Variants in ZNF735 observed in about 807,000 individuals in gnomAD.
The protein encoded by ZNF735 is putative zinc finger protein 735.
Under a neutral mutation model 13.4 loss-of-function variants are expected in ZNF735, and 11 were observed. The observed-to-expected ratio is 0.82, with a 90% CI of 0.52 to 1.36. The LOEUF is 1.36. Ranked by LOEUF, ZNF735 falls within the 40% of genes most tolerant of loss-of-function variation. The probability of loss-of-function intolerance (pLI) is 0.00; values close to 1 mark genes in which losing one functional copy is unlikely to be tolerated. For missense variants in ZNF735, 500 were observed against 484.6 expected, an observed-to-expected ratio of 1.03 and a Z score of -0.30; for synonymous variants, 171 against 162.6, an observed-to-expected ratio of 1.05 and a Z score of -0.39.
intron 3 of ZNF735, 113 bp downstream of exon 3, chr7:64,214,221 G>A: frequency 1.1e-5 from 12 of 1,136,438 alleles, no homozygotes; most frequent in Non-Finnish European, 1.5e-5. Flanking sequence ...AAGAGTTTCT[G>A]AGAAGCTTGA....
At chr7:64,218,488 A>T (rs559800855) in intron 3 of ZNF735, among the ~76,000 whole-genome samples, 2 of 151,430 alleles carry the variant, frequency 1.3e-5, no homozygotes, top group Non-Finnish European at 2.9e-5. Flanking sequence ...TTTCTTTTCT[A>T]TGTCCACAAT....
intron 3 of ZNF735, among the ~76,000 whole-genome samples, chr7:64,214,576 A>G (rs1440800615): frequency 6.6e-6 from 1 of 151,852 alleles, no homozygotes; most frequent in Non-Finnish European, 1.5e-5. Flanking sequence ...TTATTACTGT[A>G]GCCTTGAAAT....
At chr7:64,210,392 C>G (rs919016072) in intron 1 of ZNF735, among the ~76,000 whole-genome samples, 1 of 152,148 alleles carries the variant, frequency 6.6e-6, no homozygotes, top group African/African-American at 2.4e-5. Context: ...GCTGTGCCTG[C>G]TTTCTCTCGC....
chr7:64,219,438 TA>T lies in ZNF735; in HGVS notation c.391del (p.Arg131GlufsTer2). 1 of 1,613,848 alleles carries T rather than the reference TA, an allele frequency of 6.2e-7. No homozygotes were observed. The highest frequency in any genetic ancestry group is 8.5e-7 in the Non-Finnish European group (1 of 1,179,926). ...AGAATTTACAATTAAAAAAATGTTG[TA>T]AAAGAGTAGATGAGTGTGAGGTGCA... is the stretch of plus-strand genomic sequence containing the variant. On this transcript the variant is annotated frameshift_variant, in exon 4 of 4. Coordinates refer to ENST00000429565, the Ensembl canonical transcript of ZNF735. LOFTEE classifies it low-confidence loss of function (END_TRUNC).
exon 4 of ZNF735, chr7:64,219,720 C>G: frequency 6.3e-7 from 1 of 1,595,508 alleles, no homozygotes; most frequent in East Asian, 2.3e-5. Context: ...AATCCTTTAA[C>G]CACTCCTCAA....
chr7:64,214,490 A>T (rs1229240572), intron 3 of ZNF735, among the ~76,000 whole-genome samples: 1 of 152,014 alleles, frequency 6.6e-6, no homozygotes, highest in African/African-American at 2.4e-5. Context: ...TTTTTGCATC[A>T]TGTCTAAAAT....
chr7:64,215,397 G>A (rs1787407804), intron 3 of ZNF735, among the ~76,000 whole-genome samples: 1 of 152,088 alleles, frequency 6.6e-6, no homozygotes, highest in Non-Finnish European at 1.5e-5. Flanking sequence ...AATTACTGTT[G>A]TCTACTTCTA....
intron 1 of ZNF735, among the ~76,000 whole-genome samples, chr7:64,212,219 C>G (rs1488082762): frequency 2.0e-5 from 3 of 152,070 alleles, no homozygotes; most frequent in Admixed American, 6.6e-5. Flanking sequence ...GTTGAAGGCT[C>G]TTATCTTTAT....
chr7:64,214,616 T>C (rs1787398533), intron 3 of ZNF735, among the ~76,000 whole-genome samples: 1 of 152,052 alleles, frequency 6.6e-6, no homozygotes, highest in Non-Finnish European at 1.5e-5. Flanking sequence ...AATTTTTTTA[T>C]TTTTTAATTT....
At chr7:64,215,242 A>G (rs1787406114) in intron 3 of ZNF735, among the ~76,000 whole-genome samples, 1 of 151,932 alleles carries the variant, frequency 6.6e-6, no homozygotes, top group Non-Finnish European at 1.5e-5. Flanking sequence ...TATTTTTAGT[A>G]GAGATGGGTT....
intron 1 of ZNF735, among the ~76,000 whole-genome samples, chr7:64,212,524 G>A (rs1254771923): frequency 2.6e-5 from 4 of 152,178 alleles, no homozygotes; most frequent in Non-Finnish European, 5.9e-5. Flanking sequence ...CGGGTGAGGT[G>A]GCTCATGCCT....
chr7:64,209,997 A>G (rs897562049), intron 1 of ZNF735, among the ~76,000 whole-genome samples: 5 of 152,170 alleles, frequency 3.3e-5, no homozygotes, highest in African/African-American at 9.6e-5. Context: ...ATTATTCTAT[A>G]TATTTTCTTT....
intron 1 of ZNF735, 42 bp from the exon 2 acceptor site, chr7:64,213,050 T>C: frequency 6.3e-7 from 1 of 1,575,616 alleles, no homozygotes; most frequent in Non-Finnish European, 8.6e-7. Flanking sequence ...TACGGCCATA[T>C]GGTAAGTGTG....
chr7:64,213,321 G>T (rs758870488), intron 2 of ZNF735, 103 bp downstream of exon 2: 4 of 1,163,808 alleles, frequency 3.4e-6, no homozygotes, highest in Non-Finnish European at 3.6e-6. Context: ...TTAGCTCTCC[G>T]ATTTAAAGAA....
chr7:64,212,816 A>G (rs1323350015), intron 1 of ZNF735, among the ~76,000 whole-genome samples: 1 of 151,944 alleles, frequency 6.6e-6, no homozygotes, highest in Non-Finnish European at 1.5e-5. Context: ...AAAAGAAAAA[A>G]GAAGGACAAG....
exon 4 of ZNF735, chr7:64,219,484 C>T: frequency 1.2e-6 from 2 of 1,612,948 alleles, no homozygotes; most frequent in Non-Finnish European, 1.7e-6. Flanking sequence ...TTATAATGAC[C>T]TTAACCAATG....
At chr7:64,215,065 CTT>C (rs200637720) in intron 3 of ZNF735, among the ~76,000 whole-genome samples, 8 of 140,804 alleles carry the variant, frequency 5.7e-5, no homozygotes, top group African/African-American at 7.7e-5. Flanking sequence ...TTTCTTTTTT[CTT>C]TTTTTTTTTT....
At chr7:64,213,726 C>T (rs528697096) in intron 2 of ZNF735, among the ~76,000 whole-genome samples, 13 of 152,118 alleles carry the variant, frequency 8.5e-5, no homozygotes, top group East Asian at 1.9e-4. Context: ...GTTGGGAGGC[C>T]GAGGCAGGCA....
intron 3 of ZNF735, among the ~76,000 whole-genome samples, chr7:64,215,351 C>T (rs1052477054): frequency 6.6e-6 from 1 of 152,160 alleles, no homozygotes; most frequent in Admixed American, 6.5e-5. Flanking sequence ...AGCCACTGCA[C>T]CCGGTTCATT....
Sources: gnomAD v4.1 joint callset for allele counts (sites outside exome capture counted in the v4.1 genomes callset) on GRCh38, gnomAD v4.1.1 for gene constraint, MANE v1.5 for transcripts, NCBI Gene and HGNC (gene_info 2026-07-23, HGNC 2026-07-21) for gene names.